Variants in GRM5 observed in about 807,000 individuals in gnomAD.
The protein encoded by GRM5 is metabotropic glutamate receptor 5.
In GRM5, 19 loss-of-function variants were observed where a neutral mutation model predicts 83.1. That is an observed-to-expected ratio of 0.23 (90% CI 0.16 to 0.34). GRM5 has a LOEUF of 0.34. Among genes scored for constraint, GRM5 ranks in the 10% least tolerant of loss-of-function variants. The probability of loss-of-function intolerance (pLI) is 1.00; values close to 1 mark genes in which losing one functional copy is unlikely to be tolerated. For missense variants in GRM5, 1,160 were observed against 1,588.3 expected, an observed-to-expected ratio of 0.73 and a Z score of 4.58; for synonymous variants, 675 against 633.6, an observed-to-expected ratio of 1.07 and a Z score of -0.98.
At chr11:88,999,895 A>G (rs1220760918) in intron 2 of GRM5, among the ~76,000 whole-genome samples, 2 of 152,254 alleles carry the variant, frequency 1.3e-5, no homozygotes, top group Non-Finnish European at 2.9e-5. Flanking sequence ...ACACCATGGA[A>G]TACTATGCAG....
At chr11:88,931,318 A>C (rs1010338479) in intron 2 of GRM5, among the ~76,000 whole-genome samples, 7 of 152,078 alleles carry the variant, frequency 4.6e-5, no homozygotes, top group Admixed American at 4.6e-4. Flanking sequence ...TACATAATTG[A>C]GTAAAATATA....
chr11:88,742,502 A>G (rs1277446667), intron 3 of GRM5, among the ~76,000 whole-genome samples: 1 of 152,090 alleles, frequency 6.6e-6, no homozygotes, highest in African/African-American at 2.4e-5. Context: ...TGTTCTTTCC[A>G]TAATACCACC....
intron 8 of GRM5, among the ~76,000 whole-genome samples, chr11:88,560,344 A>G (rs1942726749): frequency 6.6e-6 from 1 of 152,016 alleles, no homozygotes; most frequent in South Asian, 2.1e-4. Context: ...CTGTTTCTCT[A>G]TAGGCTCCTA....
Position 88,690,642 on chromosome 11 carries a change from T to G in GRM5, c.912-37239A>C, listed in dbSNP as rs1940760060. On this transcript the variant is annotated intron_variant, in intron 3 of 9. Coordinates refer to ENST00000305447, the MANE Select transcript of GRM5 (RefSeq NM_001143831.3). ...TTTGGATTTGATGTCACACTAGGTGTGGAGATGCCTCAAATGAATGACAAG... is the reference window on the plus strand; with the variant it reads ...TTTGGATTTGATGTCACACTAGGTGGGGAGATGCCTCAAATGAATGACAAG... Among the ~76,000 whole-genome samples, 3 of 152,212 alleles carry G rather than the reference T, an allele frequency of 2.0e-5. No individual in the cohort carries two copies. The South Asian group carries it at 6.2e-4, about 32-fold the overall frequency.
chr11:88,581,357 C>T (rs1275150068), intron 7 of GRM5, among the ~76,000 whole-genome samples: 1 of 152,170 alleles, frequency 6.6e-6, no homozygotes, highest in Non-Finnish European at 1.5e-5. Context: ...ACTGTTATCT[C>T]AATTTTATGG....
chr11:88,733,568 T>A (rs1047500398), intron 3 of GRM5, among the ~76,000 whole-genome samples: 3 of 152,018 alleles, frequency 2.0e-5, no homozygotes, highest in Non-Finnish European at 4.4e-5. Context: ...CTATGAGATT[T>A]TCTGTTTTCA....
chr11:88,804,627 G>A (rs577360587), intron 3 of GRM5, among the ~76,000 whole-genome samples: 106 of 151,938 alleles, frequency 7.0e-4, no homozygotes, highest in Middle Eastern at 3.4e-3. Context: ...CATGGCACAT[G>A]TATACATATG....
intron 4 of GRM5, among the ~76,000 whole-genome samples, chr11:88,648,947 T>TGC (rs1489289342): frequency 6.6e-6 from 1 of 150,604 alleles, no homozygotes; most frequent in African/African-American, 2.4e-5. Flanking sequence ...CTGATGCAAT[T>TGC]CTTTATTCTA....
intron 3 of GRM5, among the ~76,000 whole-genome samples, chr11:88,653,811 A>T (rs887996402): frequency 6.6e-6 from 1 of 152,102 alleles, no homozygotes; most frequent in Admixed American, 6.6e-5. Context: ...AATTATAATG[A>T]TCATAAAATA....
chr11:88,674,212 G>A (rs950769508), intron 3 of GRM5, among the ~76,000 whole-genome samples: 15 of 151,798 alleles, frequency 9.9e-5, no homozygotes, highest in African/African-American at 3.4e-4. Context: ...GGCTTCTATA[G>A]TAACAAATTC....
At chr11:88,671,488 C>G (rs1940192512) in intron 3 of GRM5, among the ~76,000 whole-genome samples, 1 of 151,942 alleles carries the variant, frequency 6.6e-6, no homozygotes. Flanking sequence ...CACAGTAGCA[C>G]TATTTGAAAT....
intron 4 of GRM5, among the ~76,000 whole-genome samples, chr11:88,622,827 C>T (rs1938677280): frequency 6.6e-6 from 1 of 152,066 alleles, no homozygotes; most frequent in Non-Finnish European, 1.5e-5. Context: ...TATGGTTTAG[C>T]TTATTTGGAG....
chr11:88,525,722 A>G (rs983723215), intron 8 of GRM5, among the ~76,000 whole-genome samples: 1 of 152,244 alleles, frequency 6.6e-6, no homozygotes, highest in Non-Finnish European at 1.5e-5. Context: ...AAAAAGATGA[A>G]TATCAATCAA....
chr11:88,938,524 G>A (rs554083874), intron 2 of GRM5, among the ~76,000 whole-genome samples: 9 of 146,620 alleles, frequency 6.1e-5, no homozygotes, highest in East Asian at 2.0e-4. Context: ...CTTTTAATTC[G>A]CACAATATTT....
chr11:88,645,991 G>A (rs1434092744), intron 4 of GRM5, among the ~76,000 whole-genome samples: 1 of 152,042 alleles, frequency 6.6e-6, no homozygotes, highest in African/African-American at 2.4e-5. Flanking sequence ...TAAAGTTTGA[G>A]GTGGTGGTTA....
chr11:88,616,097 A>G (rs1329609064), intron 4 of GRM5, among the ~76,000 whole-genome samples: 1 of 152,208 alleles, frequency 6.6e-6, no homozygotes, highest in Non-Finnish European at 1.5e-5. Flanking sequence ...TAAAAATAGT[A>G]TCTAGCAGAC....
chr11:88,830,908 GAA>G (rs1049523280), intron 3 of GRM5, among the ~76,000 whole-genome samples: 4 of 152,114 alleles, frequency 2.6e-5, no homozygotes, highest in African/African-American at 9.7e-5. Flanking sequence ...AGCAGGCAAA[GAA>G]AGAGCTTGTG....
intron 1 of GRM5, among the ~76,000 whole-genome samples, chr11:89,064,661 T>C (rs1942059647): frequency 6.6e-6 from 1 of 151,898 alleles, no homozygotes; most frequent in Non-Finnish European, 1.5e-5. Flanking sequence ...ATAGAGAAAC[T>C]GAGTACATGA....
chr11:88,733,510 G>T (rs72966408), intron 3 of GRM5, among the ~76,000 whole-genome samples: 7,095 of 151,990 alleles, frequency 0.047, 154 homozygotes, highest in Middle Eastern at 0.071. Flanking sequence ...CATGTTGGAG[G>T]CTAGGAGTTG....
Sources: gnomAD v4.1 joint callset for allele counts (sites outside exome capture counted in the v4.1 genomes callset) on GRCh38, gnomAD v4.1.1 for gene constraint, MANE v1.5 for transcripts, NCBI Gene and HGNC (gene_info 2026-07-23, HGNC 2026-07-21) for gene names.